The following WDPCP variants were observed in gnomAD, a reference collection of about 807,000 sequenced individuals.
The protein encoded by WDPCP is WD repeat-containing and planar cell polarity effector protein fritz homolog.
A neutral mutation model predicts 93.1 loss-of-function variants in WDPCP; 71 were observed. The observed-to-expected ratio is 0.76, with a 90% CI of 0.63 to 0.93. The LOEUF is 0.93. Among genes scored for constraint, WDPCP ranks in the 40% least tolerant of loss-of-function variants. WDPCP has a pLI of 0.00. For synonymous variants in WDPCP, 315 were observed against 315.0 expected (o/e 1.00, Z 0.00); for missense variants, 844 against 887.4 (o/e 0.95, Z 0.62).
intron 1 of WDPCP, among the ~76,000 whole-genome samples, chr2:63,527,424 G>C (rs1250576387): frequency 7.5e-6 from 1 of 133,056 alleles, no homozygotes; most frequent in Non-Finnish European, 1.5e-5. Context: ...CAGTATCCAA[G>C]TGTTCTCACT....
intron 1 of WDPCP, among the ~76,000 whole-genome samples, chr2:63,573,159 C>A (rs1168799537): frequency 6.6e-6 from 1 of 151,754 alleles, no homozygotes; most frequent in African/African-American, 2.4e-5. Flanking sequence ...ACCAGGATCA[C>A]TTGAGCCCAG....
At chr2:63,299,784 A>C (rs1166169568) in intron 13 of WDPCP, among the ~76,000 whole-genome samples, 1 of 152,182 alleles carries the variant, frequency 6.6e-6, no homozygotes, top group Non-Finnish European at 1.5e-5. Flanking sequence ...GAAATCCCTT[A>C]GGCAGATAGC....
At chr2:63,671,003 T>A (rs561919293) in intron 2 of WDPCP, among the ~76,000 whole-genome samples, 9 of 152,192 alleles carry the variant, frequency 5.9e-5, no homozygotes, top group Non-Finnish European at 1.2e-4. Flanking sequence ...GAGAAGGGAA[T>A]GAAAGAGGGG....
At position 63,404,282 on chromosome 2, in the gene WDPCP, A is replaced by G. The variant is rs1040913823; in HGVS notation, c.1201T>C (p.Leu401=). 7.4e-6 allele frequency: 12 copies of G among 1,613,706 alleles called. No individual in the cohort carries two copies. The highest frequency in any genetic ancestry group is 1.0e-5 in the Non-Finnish European group (12 of 1,179,896). Residue 401 remains leucine (L), a synonymous_variant, in exon 10 of 18, where the codon TTG becomes CTG. Transcript: ENST00000272321. ...GATAGAGCCATATCAAAAATTTGCAACTCCCCTTGGTTGCTGCCAACTAGC... is the reference window on the plus strand; with the variant it reads ...GATAGAGCCATATCAAAAATTTGCAGCTCCCCTTGGTTGCTGCCAACTAGC... ...ILLVGSNQGE[L]QIFDMALSPI...
chr2:63,311,716 G>A (rs1686201436), intron 13 of WDPCP, among the ~76,000 whole-genome samples: 1 of 152,088 alleles, frequency 6.6e-6, no homozygotes, highest in African/African-American at 2.4e-5. Context: ...ATTGTTATTG[G>A]CTAAACTGAG....
chr2:63,239,398 T>C (rs1393603202), intron 14 of WDPCP, among the ~76,000 whole-genome samples: 2 of 152,138 alleles, frequency 1.3e-5, no homozygotes, highest in African/African-American at 4.8e-5. Flanking sequence ...AGAATATAGA[T>C]TTATGGTTAT....
chr2:63,462,562 T>G (rs1421937357), intron 6 of WDPCP, among the ~76,000 whole-genome samples: 1 of 152,094 alleles, frequency 6.6e-6, no homozygotes, highest in African/African-American at 2.4e-5. Flanking sequence ...GAGAGCAGAC[T>G]GGTAGGGGCA....
At chr2:63,438,163 A>G (rs1697264169) in intron 7 of WDPCP, 2 of 258,726 alleles carry the variant, frequency 7.7e-6, no homozygotes, top group Admixed American at 1.3e-4. Flanking sequence ...TAAATAACTA[A>G]TATTTGTGGA....
At chr2:63,573,506 C>A (rs1371624504) in intron 1 of WDPCP, among the ~76,000 whole-genome samples, 3 of 152,156 alleles carry the variant, frequency 2.0e-5, no homozygotes, top group African/African-American at 7.2e-5. Context: ...CCAATCAATA[C>A]CCTTGTGATT....
intron 1 of WDPCP, among the ~76,000 whole-genome samples, chr2:63,550,315 T>G (rs1461675141): frequency 2.6e-5 from 4 of 151,998 alleles, no homozygotes; most frequent in Non-Finnish European, 5.9e-5. Flanking sequence ...CTTCATGTAT[T>G]CACAATCCCT....
intron 14 of WDPCP, among the ~76,000 whole-genome samples, chr2:63,237,475 C>A (rs1018731377): frequency 1.3e-5 from 2 of 152,138 alleles, no homozygotes; most frequent in African/African-American, 2.4e-5. Flanking sequence ...AATCCCACTA[C>A]CGTGTTTATA....
chr2:63,324,852 C>T (rs970369285), intron 12 of WDPCP, among the ~76,000 whole-genome samples: 3 of 152,232 alleles, frequency 2.0e-5, no homozygotes, highest in Middle Eastern at 3.4e-3. Flanking sequence ...TAGGAAAAAG[C>T]CCATGAATTA....
At chr2:63,250,119 C>A (rs1008557267) in intron 14 of WDPCP, among the ~76,000 whole-genome samples, 1 of 152,134 alleles carries the variant, frequency 6.6e-6, no homozygotes, top group Non-Finnish European at 1.5e-5. Flanking sequence ...TCTGAATTGC[C>A]AGCATCACTA....
At chr2:63,301,299 A>T (rs1311841692) in intron 13 of WDPCP, among the ~76,000 whole-genome samples, 3 of 152,194 alleles carry the variant, frequency 2.0e-5, no homozygotes, top group African/African-American at 7.2e-5. Context: ...CAGCAGGAAA[A>T]TGGCCATTCA....
intron 14 of WDPCP, among the ~76,000 whole-genome samples, chr2:63,226,502 A>G (rs1678302453): frequency 6.6e-6 from 1 of 151,860 alleles, no homozygotes; most frequent in Non-Finnish European, 1.5e-5. Flanking sequence ...CTGTCACATT[A>G]AGTTACCTTA....
At chr2:63,737,411 G>A (rs570064993) in intron 2 of WDPCP, among the ~76,000 whole-genome samples, 67 of 151,816 alleles carry the variant, frequency 4.4e-4, no homozygotes, top group Non-Finnish European at 8.4e-4. Context: ...CAGACACTTT[G>A]GGGTCACAGA....
chr2:63,807,294 G>C (rs186472715), intron 2 of WDPCP, among the ~76,000 whole-genome samples: 1 of 152,176 alleles, frequency 6.6e-6, no homozygotes, highest in Non-Finnish European at 1.5e-5. Flanking sequence ...CTCATGAATG[G>C]CTTAGCGCCA....
At chr2:63,827,195 CCT>C (rs143172032) in intron 1 of WDPCP, among the ~76,000 whole-genome samples, 4,572 of 152,154 alleles carry the variant, frequency 0.03, 226 homozygotes, top group African/African-American at 0.1. Flanking sequence ...TATACAATCC[CCT>C]GTTACCCCTG....
intron 4 of WDPCP, among the ~76,000 whole-genome samples, chr2:63,485,364 A>G (rs1019580447): frequency 1.1e-5 from 1 of 89,622 alleles, no homozygotes; most frequent in East Asian, 2.3e-4. Flanking sequence ...CTCAGACCTA[A>G]AAAAAAAAAA....
Sources: gnomAD v4.1 joint callset for allele counts (sites outside exome capture counted in the v4.1 genomes callset) on GRCh38, gnomAD v4.1.1 for gene constraint, MANE v1.5 for transcripts, NCBI Gene and HGNC (gene_info 2026-07-23, HGNC 2026-07-21) for gene names.